The following WNT3 variants were observed in gnomAD, a reference collection of about 807,000 sequenced individuals.
WNT3 encodes the protein Wnt family member 3.
Under a neutral mutation model 34.2 loss-of-function variants are expected in WNT3, and 7 were observed. The ratio of observed to expected loss-of-function variants is 0.20; its 90% CI spans 0.12 to 0.38. WNT3 has a LOEUF of 0.38. Among genes scored for constraint, WNT3 ranks in the 10% least tolerant of loss-of-function variants. The pLI is 1.00. For missense variants in WNT3, 267 were observed against 499.8 expected (o/e 0.53, Z 4.44); for synonymous variants, 212 against 211.5 (o/e 1.00, Z -0.02).
At position 46,779,103 on chromosome 17, in the gene WNT3, A is replaced by ACACACACACACACACACACACAC. The variant is rs749719578; in HGVS notation, c.81-5195_81-5194insGTGTGTGTGTGTGTGTGTGTGTG. ...CACACACACACACACACACACACAC[A>ACACACACACACACACACACACAC]CCCCAGCCCACTCGGCCTTCCAAAG... On this transcript the variant is annotated intron_variant, in intron 1 of 4. Coordinates refer to ENST00000225512, the MANE Select transcript of WNT3 (RefSeq NM_030753.5). Among the ~76,000 whole-genome samples, 8 of 133,662 alleles carry ACACACACACACACACACACACAC rather than the reference A, an allele frequency of 6.0e-5. 1 individual carries two copies. Among genetic ancestry groups the ACACACACACACACACACACACAC allele is most frequent in the African/African-American group, 2.2e-4 (8 of 36,388 alleles). The allele number at this position is 133,662 out of a possible 152,430, so 87.7% of individuals were successfully genotyped here. A position where few individuals can be genotyped will look rare whatever the true frequency, so the allele number is the denominator to read the frequency against.
chr17:46,791,975 G>C (rs1301615553), intron 1 of WNT3, among the ~76,000 whole-genome samples: 2 of 152,226 alleles, frequency 1.3e-5, no homozygotes, highest in African/African-American at 4.8e-5. Context: ...AGGAGTTTGA[G>C]GCTGTAGTAA....
At chr17:46,794,952 T>C (rs1420430593) in intron 1 of WNT3, among the ~76,000 whole-genome samples, 2 of 152,052 alleles carry the variant, frequency 1.3e-5, no homozygotes, top group Non-Finnish European at 2.9e-5. Flanking sequence ...GGTTTCACCA[T>C]GTTGGCCAGG....
chr17:46,805,145 A>G lies in WNT3; in HGVS notation c.80+13373T>C, dbSNP rs532196583. On this transcript the variant is annotated intron_variant, in intron 1 of 4. Transcript: ENST00000225512. ...CCAGACACAGGAAGATTCAGGGATG[A>G]GACGAACCCTGGTCCTCAAGTGCAA... is the stretch of plus-strand genomic sequence containing the variant. 4.5e-4 allele frequency among the ~76,000 whole-genome samples: 69 copies of G among 152,220 alleles called. 2 individuals carry two copies. The highest frequency in any genetic ancestry group is 1.6e-3 in the African/African-American group (67 of 41,532).
At chr17:46,771,778 G>T (rs1285116456) in intron 2 of WNT3, among the ~76,000 whole-genome samples, 1 of 141,370 alleles carries the variant, frequency 7.1e-6, no homozygotes, top group Non-Finnish European at 1.6e-5. Flanking sequence ...GCGCCGCGCC[G>T]CGCCGCGCCG....
chr17:46,773,968 C>A, intron 1 of WNT3, 59 bp from the exon 2 acceptor site: 1 of 1,580,520 alleles, frequency 6.3e-7, no homozygotes, highest in Non-Finnish European at 8.6e-7. Flanking sequence ...CCATCCTGGG[C>A]ACCATGGCCG....
At chr17:46,793,272 TAAAAAAAAAAAAAA>T (rs71138551) in intron 1 of WNT3, among the ~76,000 whole-genome samples, 1 of 41,952 alleles carries the variant, frequency 2.4e-5, no homozygotes, top group Non-Finnish European at 4.0e-5. Context: ...AGACCCTGTC[TAAAAAAAAAAAAAA>T]AAAAAAAAAA....
At chr17:46,787,338 C>G (rs1409561549) in intron 1 of WNT3, among the ~76,000 whole-genome samples, 1 of 152,156 alleles carries the variant, frequency 6.6e-6, no homozygotes, top group Non-Finnish European at 1.5e-5. Context: ...CCTGGAAGGG[C>G]TTTAGGAGCA....
At chr17:46,790,194 G>C (rs1315045872) in intron 1 of WNT3, among the ~76,000 whole-genome samples, 2 of 152,116 alleles carry the variant, frequency 1.3e-5, no homozygotes, top group African/African-American at 4.8e-5. Flanking sequence ...CCTTGCTTTA[G>C]CTCTGTCCTC....
intron 1 of WNT3, among the ~76,000 whole-genome samples, chr17:46,789,167 C>G (rs1031561592): frequency 2.0e-5 from 3 of 152,202 alleles, no homozygotes; most frequent in Non-Finnish European, 2.9e-5. Flanking sequence ...TGGAGCTGCC[C>G]TGAGGAAGCC....
intron 1 of WNT3, among the ~76,000 whole-genome samples, chr17:46,816,200 C>T (rs1344777962): frequency 6.6e-6 from 1 of 151,624 alleles, no homozygotes; most frequent in Non-Finnish European, 1.5e-5. Context: ...CCCAGCGTCA[C>T]AGGCAGACAC....
chr17:46,766,796 GA>G (rs956113337), intron 4 of WNT3, among the ~76,000 whole-genome samples: 1 of 152,194 alleles, frequency 6.6e-6, no homozygotes, highest in African/African-American at 2.4e-5. Context: ...ACTGCAGGAA[GA>G]GGGGGCACTC....
At chr17:46,776,135 G>A (rs1328553520) in intron 1 of WNT3, among the ~76,000 whole-genome samples, 2 of 152,224 alleles carry the variant, frequency 1.3e-5, no homozygotes, top group East Asian at 3.9e-4. Flanking sequence ...GGAACCCAGG[G>A]TGTCAGACTC....
chr17:46,792,103 C>T (rs1010821502), intron 1 of WNT3, among the ~76,000 whole-genome samples: 1 of 152,162 alleles, frequency 6.6e-6, no homozygotes, highest in Non-Finnish European at 1.5e-5. Context: ...CATTTAAAGT[C>T]AAAAAATTCT....
intron 1 of WNT3, among the ~76,000 whole-genome samples, chr17:46,807,876 G>T (rs1429522212): frequency 6.6e-6 from 1 of 152,244 alleles, no homozygotes; most frequent in South Asian, 2.1e-4. Context: ...AGGGAAGCAT[G>T]CTTTATCAGA....
intron 4 of WNT3, among the ~76,000 whole-genome samples, chr17:46,765,448 A>G (rs2059303951): frequency 6.6e-6 from 1 of 152,246 alleles, no homozygotes; most frequent in East Asian, 1.9e-4. Flanking sequence ...AAGCTACAGA[A>G]AAGGTGTTTT....
intron 1 of WNT3, among the ~76,000 whole-genome samples, chr17:46,798,994 G>A (rs1303918586): frequency 1.4e-5 from 2 of 143,624 alleles, no homozygotes; most frequent in African/African-American, 5.3e-5. Flanking sequence ...GTTACAGTGA[G>A]CCAAGATCAC....
At chr17:46,785,784 G>T (rs557217218) in intron 1 of WNT3, among the ~76,000 whole-genome samples, 3 of 152,288 alleles carry the variant, frequency 2.0e-5, no homozygotes, top group African/African-American at 7.2e-5. Context: ...GAGGGAAGAG[G>T]CTGCGGGCCC....
chr17:46,764,100 A>G lies in WNT3; in HGVS notation c.*530T>C, dbSNP rs895627537. The G allele has an allele frequency of 6.6e-6, 1 of 152,166 alleles. No individual in the cohort carries two copies. The highest frequency in any genetic ancestry group is 2.4e-5 in the African/African-American group (1 of 41,410). The allele number at this position is 152,166 out of a possible 1,614,324, so 9.4% of individuals were successfully genotyped here. Reference sequence around the variant, plus strand: ...TAGCTAAACCTATGGCTTTTATCAGAATGAGAAATTAGCTCAAATTTGAAT... The same window carrying G: ...TAGCTAAACCTATGGCTTTTATCAGGATGAGAAATTAGCTCAAATTTGAAT... On this transcript the variant is annotated 3_prime_UTR_variant, in exon 5 of 5. Transcript: ENST00000225512.
chr17:46,771,923 G>A (rs1239698748), intron 2 of WNT3, among the ~76,000 whole-genome samples: 3 of 141,516 alleles, frequency 2.1e-5, no homozygotes, highest in South Asian at 2.2e-4. Context: ...GAAGCGCCTC[G>A]GGCCCGCCGC....
Sources: allele counts gnomAD v4.1 joint callset (sites outside exome capture counted in the v4.1 genomes callset), GRCh38; gene constraint gnomAD v4.1.1; transcripts MANE v1.5; gene names NCBI Gene and HGNC (gene_info 2026-07-23, HGNC 2026-07-21).